The following MAST4 variants were observed in gnomAD, a reference collection of about 807,000 sequenced individuals.
MAST4 encodes the protein microtubule associated serine/threonine kinase family member 4, also known as microtubule-associated serine/threonine-protein kinase 4.
A neutral mutation model predicts 162.7 loss-of-function variants in MAST4; 89 were observed. The observed-to-expected ratio is 0.55, with a 90% CI of 0.46 to 0.65. The LOEUF is 0.65. MAST4 is among the 30% of genes least tolerant of loss of function. The probability of loss-of-function intolerance (pLI) is 0.00; values close to 1 mark genes in which losing one functional copy is unlikely to be tolerated. For synonymous variants in MAST4, 1,479 were observed against 1,361.1 expected, an observed-to-expected ratio of 1.09 and a Z score of -1.91; for missense variants, 3,153 against 3,374.0, an observed-to-expected ratio of 0.93 and a Z score of 1.62.
chr5:66,835,610 A>G (rs1205053700), intron 3 of MAST4, among the ~76,000 whole-genome samples: 1 of 152,204 alleles, frequency 6.6e-6, no homozygotes, highest in Non-Finnish European at 1.5e-5. Flanking sequence ...AAACTATAAA[A>G]ATTGAGAATT....
intron 3 of MAST4, among the ~76,000 whole-genome samples, chr5:66,845,085 T>TATATA (rs1758718756): frequency 1.7e-5 from 1 of 57,972 alleles, no homozygotes; most frequent in African/African-American, 7.1e-5. Context: ...TCACTAATCT[T>TATATA]TATATATATA....
intron 4 of MAST4, among the ~76,000 whole-genome samples, chr5:66,923,172 TG>T (rs1764658832): frequency 6.6e-6 from 1 of 152,232 alleles, no homozygotes; most frequent in African/African-American, 2.4e-5. Context: ...CTCCCCATTG[TG>T]GGGCCACAAT....
At chr5:66,661,491 T>A (rs1746907930) in intron 1 of MAST4, among the ~76,000 whole-genome samples, 1 of 152,182 alleles carries the variant, frequency 6.6e-6, no homozygotes, top group African/African-American at 2.4e-5. Context: ...GTAGATTTAT[T>A]TTTTTCCTTT....
At chr5:66,963,866 T>C (rs1420723462) in intron 4 of MAST4, 5 of 774,356 alleles carry the variant, frequency 6.5e-6, no homozygotes, top group Middle Eastern at 2.3e-4. Context: ...TTTGATTACT[T>C]CAGACTCTGC....
chr5:66,858,612 C>T (rs985245950), intron 3 of MAST4, among the ~76,000 whole-genome samples: 1 of 152,094 alleles, frequency 6.6e-6, no homozygotes, highest in Non-Finnish European at 1.5e-5. Context: ...GGGCACGTCT[C>T]TTATTTTTGT....
chr5:66,898,396 A>G (rs925004066), intron 3 of MAST4, among the ~76,000 whole-genome samples: 8 of 152,204 alleles, frequency 5.3e-5, no homozygotes, highest in Non-Finnish European at 1.2e-4. Context: ...CTCAATGCTT[A>G]TGGTAACCAA....
chr5:66,756,687 T>G (rs896613358), intron 1 of MAST4, among the ~76,000 whole-genome samples: 2 of 152,224 alleles, frequency 1.3e-5, no homozygotes, highest in Non-Finnish European at 2.9e-5. Flanking sequence ...ATTGCAGGGC[T>G]GCAGTGGACC....
intron 1 of MAST4, among the ~76,000 whole-genome samples, chr5:66,720,850 T>C (rs1298964125): frequency 6.6e-6 from 1 of 152,218 alleles, no homozygotes; most frequent in African/African-American, 2.4e-5. Flanking sequence ...TTTAAACATC[T>C]GTCCTTTCAG....
chr5:66,631,296 G>A (rs1744779546), intron 1 of MAST4, among the ~76,000 whole-genome samples: 1 of 152,160 alleles, frequency 6.6e-6, no homozygotes, highest in South Asian at 2.1e-4. Context: ...AGAAAGCTGC[G>A]ATCGATGGTA....
rs571816303 is a variant in MAST4, at chr5:66,810,068, C to T, written c.642+21274C>T. Among the ~76,000 whole-genome samples, 6 of 152,274 alleles carry T rather than the reference C, an allele frequency of 3.9e-5. No homozygotes were observed. In the South Asian group the frequency reaches 1.2e-3, roughly 32 times the overall value. ...CCATTGTATAAATTGTCTGACCAGT[C>T]CCTGGGGGGTGGACTCTCAACAGTT... On this transcript the variant is annotated intron_variant, in intron 3 of 28. Transcript: ENST00000403625.
chr5:67,076,601 T>C (rs1581456883), intron 5 of MAST4, among the ~76,000 whole-genome samples: 2 of 152,216 alleles, frequency 1.3e-5, no homozygotes, highest in Non-Finnish European at 2.9e-5. Flanking sequence ...AAGTGTTTTA[T>C]ACCTGACCCC....
intron 4 of MAST4, chr5:67,002,187 T>C (rs1337028919): frequency 6.6e-6 from 1 of 152,164 alleles, no homozygotes; most frequent in Non-Finnish European, 1.5e-5. Flanking sequence ...AGCACTGATA[T>C]CTTTCCAGCT....
intron 18 of MAST4, among the ~76,000 whole-genome samples, chr5:67,135,944 T>A (rs1334470857): frequency 6.6e-6 from 1 of 152,238 alleles, no homozygotes; most frequent in East Asian, 1.9e-4. Context: ...ATTCTTAATA[T>A]TTATGACAGA....
intron 4 of MAST4, among the ~76,000 whole-genome samples, chr5:66,966,613 A>T (rs982708636): frequency 1.3e-5 from 2 of 152,130 alleles, no homozygotes; most frequent in Admixed American, 1.3e-4. Context: ...GTGCACTGAC[A>T]GACCTGAAGG....
At position 67,149,042 on chromosome 5, in the gene MAST4, G is replaced by C. The variant is rs150520121; in HGVS notation, c.3095-347G>C. Among the ~76,000 whole-genome samples, 161 of 150,840 alleles carry C rather than the reference G, an allele frequency of 1.1e-3. 3 individuals are homozygous for C. The highest frequency in any genetic ancestry group is 3.4e-3 in the Middle Eastern group (1 of 292). On this transcript the variant is annotated intron_variant, in intron 23 of 28. Transcript: ENST00000403625. ...TTCATGGCACAGCCTTTCATGGTAT[G>C]GGGGGGGTAGGGGCACCAGAATTAT... is the stretch of plus-strand genomic sequence containing the variant.
intron 3 of MAST4, among the ~76,000 whole-genome samples, chr5:66,885,934 G>A (rs1762009637): frequency 6.6e-6 from 1 of 152,160 alleles, no homozygotes. Flanking sequence ...GTGTGTGCCA[G>A]TTACTTTTCT....
intron 1 of MAST4, among the ~76,000 whole-genome samples, chr5:66,687,443 G>A (rs1013704927): frequency 6.6e-6 from 1 of 150,442 alleles, no homozygotes; most frequent in Non-Finnish European, 1.5e-5. Context: ...AGTATTCCAC[G>A]GTATACACGT....
intron 4 of MAST4, among the ~76,000 whole-genome samples, chr5:66,996,960 G>A (rs188468286): frequency 6.6e-6 from 1 of 152,152 alleles, no homozygotes; most frequent in East Asian, 1.9e-4. Flanking sequence ...TTCTTTACTG[G>A]TTTTCTAAAA....
rs543618211 is a variant in MAST4, at chr5:66,896,449, A to T, written c.643-3502A>T. ...TCCCTTTTTCTATTCTATTATTTGG[A>T]AGTGAGTCACTAGGTCCCAGCCCAC... is the stretch of plus-strand genomic sequence containing the variant. On this transcript the variant is annotated intron_variant, in intron 3 of 28. Coordinates refer to ENST00000403625, the MANE Select transcript of MAST4 (RefSeq NM_001164664.2). Among the ~76,000 whole-genome samples the T allele has an allele frequency of 2.2e-4, 34 of 152,196 alleles. No individual in the cohort carries two copies. In the South Asian group the frequency reaches 6.6e-3, roughly 30 times the overall value.
Sources: allele counts gnomAD v4.1 joint callset (sites outside exome capture counted in the v4.1 genomes callset), GRCh38; gene constraint gnomAD v4.1.1; transcripts MANE v1.5; gene names NCBI Gene and HGNC (gene_info 2026-07-23, HGNC 2026-07-21).